Variants in NEDD4L observed in about 807,000 individuals in gnomAD.
The protein encoded by NEDD4L is NEDD4 like E3 ubiquitin protein ligase.
A neutral mutation model predicts 148.9 loss-of-function variants in NEDD4L; 54 were observed. The observed-to-expected ratio is 0.36, with a 90% CI of 0.29 to 0.45. The LOEUF is 0.45. Among genes scored for constraint, NEDD4L ranks in the 20% least tolerant of loss-of-function variants. The pLI, the probability that NEDD4L is intolerant of heterozygous loss-of-function variation, is 1.00. For missense variants in NEDD4L, 856 were observed against 1,233.8 expected (o/e 0.69, Z 4.59); for synonymous variants, 433 against 440.7 (o/e 0.98, Z 0.22).
At chr18:58,156,659 T>C (rs928043087) in intron 1 of NEDD4L, among the ~76,000 whole-genome samples, 4 of 152,138 alleles carry the variant, frequency 2.6e-5, no homozygotes, top group African/African-American at 9.7e-5. Flanking sequence ...TCCCCAGTGC[T>C]ACCTGGCCAG....
intron 3 of NEDD4L, 63 bp downstream of exon 3, chr18:58,245,571 A>AC: frequency 5.9e-6 from 5 of 854,270 alleles, no homozygotes; most frequent in South Asian, 1.6e-5. Flanking sequence ...ATGCACAGTC[A>AC]TGTGCTGCTT....
chr18:58,274,414 G>A (rs931416286), intron 5 of NEDD4L, among the ~76,000 whole-genome samples: 1 of 152,200 alleles, frequency 6.6e-6, no homozygotes, highest in Non-Finnish European at 1.5e-5. Flanking sequence ...ATGAAGGAGT[G>A]CTTGGCCCAG....
intron 5 of NEDD4L, among the ~76,000 whole-genome samples, chr18:58,263,752 A>G (rs1454283090): frequency 1.3e-5 from 2 of 148,940 alleles, no homozygotes; most frequent in Non-Finnish European, 1.5e-5. Context: ...TTTGGTCCAG[A>G]TTTTAAAAAT....
At chr18:58,241,932 T>A (rs555660224) in intron 2 of NEDD4L, among the ~76,000 whole-genome samples, 2 of 152,114 alleles carry the variant, frequency 1.3e-5, no homozygotes, top group Admixed American at 6.5e-5. Context: ...TTGCGTAGCA[T>A]TGAGCTTCCT....
At chr18:58,087,815 G>A (rs2083840855) in intron 1 of NEDD4L, among the ~76,000 whole-genome samples, 1 of 152,152 alleles carries the variant, frequency 6.6e-6, no homozygotes, top group Non-Finnish European at 1.5e-5. Context: ...CGGAGGTTAC[G>A]GTGAGCTGAG....
At chr18:58,151,228 C>T (rs1051103369) in intron 1 of NEDD4L, among the ~76,000 whole-genome samples, 3 of 152,182 alleles carry the variant, frequency 2.0e-5, no homozygotes, top group Non-Finnish European at 4.4e-5. Context: ...AAACATGCTG[C>T]TTCTGCCACA....
chr18:58,112,643 C>T (rs942746404), intron 1 of NEDD4L, among the ~76,000 whole-genome samples: 1 of 152,042 alleles, frequency 6.6e-6, no homozygotes, highest in Non-Finnish European at 1.5e-5. Context: ...CATGTGCCAC[C>T]ATGCCCAGCT....
At chr18:58,117,181 G>T (rs1455632013) in intron 1 of NEDD4L, among the ~76,000 whole-genome samples, 1 of 152,160 alleles carries the variant, frequency 6.6e-6, no homozygotes. Flanking sequence ...TTCATTTAAG[G>T]TCATGGTTCC....
At chr18:58,293,043 A>G (rs572036747) in intron 5 of NEDD4L, among the ~76,000 whole-genome samples, 1 of 152,244 alleles carries the variant, frequency 6.6e-6, no homozygotes, top group African/African-American at 2.4e-5. Flanking sequence ...CTCTCATGTC[A>G]TTTTCCTGGG....
intron 30 of NEDD4L, 24 bp from the exon 31 acceptor site, chr18:58,396,143 C>T: frequency 6.5e-7 from 1 of 1,544,576 alleles, no homozygotes; most frequent in Non-Finnish European, 8.9e-7. Context: ...GGCTTTTCAC[C>T]TACACTTTTT....
At chr18:58,171,520 C>T (rs1048831702) in intron 2 of NEDD4L, among the ~76,000 whole-genome samples, 3 of 152,186 alleles carry the variant, frequency 2.0e-5, no homozygotes, top group Admixed American at 6.5e-5. Context: ...CCTCCTCCTA[C>T]GGCCCCTTGT....
intron 3 of NEDD4L, among the ~76,000 whole-genome samples, chr18:58,245,736 A>G (rs994358027): frequency 6.4e-5 from 9 of 141,730 alleles, no homozygotes; most frequent in African/African-American, 2.2e-4. Context: ...GCTGGAGTGC[A>G]ATGGCATGTT....
chr18:58,168,677 T>G (rs1284696416), intron 2 of NEDD4L, among the ~76,000 whole-genome samples: 1 of 152,122 alleles, frequency 6.6e-6, no homozygotes, highest in Non-Finnish European at 1.5e-5. Context: ...ATCAGACACC[T>G]CATTCTCCCT....
Position 58,396,282 on chromosome 18 carries a change from T to TC in NEDD4L, c.*14dup, listed in dbSNP as rs1474931903. 1.9e-6 allele frequency: 3 copies of TC among 1,566,904 alleles called. No individual in the cohort carries two copies. The highest frequency in any genetic ancestry group is 2.2e-5 in the South Asian group (2 of 88,890). ...AGGGGTGGATTAAGCACCCTGTGCC[T>TC]CGGGGGTGGTTGTTCTTCAAGCAAG... is the stretch of plus-strand genomic sequence containing the variant. On this transcript the variant is annotated 3_prime_UTR_variant, in exon 31 of 31. Transcript: ENST00000400345.
intron 1 of NEDD4L, among the ~76,000 whole-genome samples, chr18:58,084,887 G>A (rs2083675386): frequency 6.6e-6 from 1 of 151,884 alleles, no homozygotes; most frequent in Non-Finnish European, 1.5e-5. Flanking sequence ...TAGAGACTGG[G>A]TCTTCCTATG....
intron 5 of NEDD4L, among the ~76,000 whole-genome samples, chr18:58,315,686 C>T (rs1180620316): frequency 6.6e-6 from 1 of 152,150 alleles, no homozygotes; most frequent in African/African-American, 2.4e-5. Context: ...CAGCTGTGCC[C>T]TCAAACCCTG....
At chr18:58,128,488 G>A (rs879588797) in intron 1 of NEDD4L, among the ~76,000 whole-genome samples, 14 of 152,234 alleles carry the variant, frequency 9.2e-5, no homozygotes, top group Admixed American at 7.2e-4. Flanking sequence ...CAGGCATCTC[G>A]GCAACTTGAA....
At chr18:58,068,124 G>T (rs1481111421) in intron 1 of NEDD4L, among the ~76,000 whole-genome samples, 2 of 150,450 alleles carry the variant, frequency 1.3e-5, no homozygotes, top group Non-Finnish European at 3.0e-5. Flanking sequence ...TACACCCAGT[G>T]AATTTTTTTT....
chr18:58,181,109 T>C (rs943014357), intron 2 of NEDD4L, among the ~76,000 whole-genome samples: 3 of 152,258 alleles, frequency 2.0e-5, no homozygotes, highest in African/African-American at 7.2e-5. Context: ...GAGGAGAGAA[T>C]GATTTTATTT....
Sources: gnomAD v4.1 joint callset for allele counts (sites outside exome capture counted in the v4.1 genomes callset) on GRCh38, gnomAD v4.1.1 for gene constraint, MANE v1.5 for transcripts, NCBI Gene and HGNC (gene_info 2026-07-23, HGNC 2026-07-21) for gene names.